The following GRIK1 variants were observed in gnomAD, a reference collection of about 807,000 sequenced individuals.
GRIK1 encodes glutamate ionotropic receptor kainate type subunit 1, also known as glutamate receptor ionotropic, kainate 1.
A neutral mutation model predicts 105.7 loss-of-function variants in GRIK1; 69 were observed. That is an observed-to-expected ratio of 0.65 (90% CI 0.54 to 0.80). The LOEUF is 0.80. GRIK1 is among the 30% of genes least tolerant of loss of function. The pLI is 0.00. For missense variants in GRIK1, 1,109 were observed against 1,167.3 expected, an observed-to-expected ratio of 0.95 and a Z score of 0.73; for synonymous variants, 438 against 431.3, an observed-to-expected ratio of 1.02 and a Z score of -0.19.
chr21:29,577,508 T>C (rs1203610643), intron 13 of GRIK1, among the ~76,000 whole-genome samples: 1 of 152,240 alleles, frequency 6.6e-6, no homozygotes, highest in Non-Finnish European at 1.5e-5. Flanking sequence ...CTTTTATTAC[T>C]GTCTAAATGC....
At chr21:29,699,855 G>A (rs2063779674) in intron 1 of GRIK1, among the ~76,000 whole-genome samples, 1 of 152,002 alleles carries the variant, frequency 6.6e-6, no homozygotes, top group Non-Finnish European at 1.5e-5. Flanking sequence ...CGGCATGTTG[G>A]TCAGGCTGGT....
intron 1 of GRIK1, among the ~76,000 whole-genome samples, chr21:29,770,022 C>A (rs1312742935): frequency 6.6e-6 from 1 of 152,172 alleles, no homozygotes; most frequent in Non-Finnish European, 1.5e-5. Flanking sequence ...CCCTACATAT[C>A]TTTCAACGTC....
At chr21:29,690,021 G>T in intron 2 of GRIK1, 36 bp from the exon 3 acceptor site, 5 of 1,523,148 alleles carry the variant, frequency 3.3e-6, no homozygotes, top group South Asian at 1.1e-5. Context: ...TGGGGAGGGA[G>T]GGCAGGGAAA....
chr21:29,550,656 A>G (rs1174290400), intron 16 of GRIK1, among the ~76,000 whole-genome samples: 1 of 152,190 alleles, frequency 6.6e-6, no homozygotes, highest in African/African-American at 2.4e-5. Flanking sequence ...ATGCTTGTAC[A>G]AGAAAAACTG....
intron 1 of GRIK1, among the ~76,000 whole-genome samples, chr21:29,790,277 C>T (rs2066376939): frequency 6.6e-6 from 1 of 152,042 alleles, no homozygotes. Flanking sequence ...TCAATATCTT[C>T]ACCTCATGAT....
intron 2 of GRIK1, among the ~76,000 whole-genome samples, chr21:29,690,497 T>C (rs1483917196): frequency 2.6e-5 from 4 of 152,254 alleles, no homozygotes; most frequent in Admixed American, 2.6e-4. Context: ...AATGAAATAC[T>C]GCTAAAGAAT....
intron 1 of GRIK1, among the ~76,000 whole-genome samples, chr21:29,780,464 C>T (rs2066064041): frequency 1.3e-5 from 2 of 152,176 alleles, no homozygotes; most frequent in Non-Finnish European, 2.9e-5. Flanking sequence ...GGTGCTATCA[C>T]TTGAATTATT....
At chr21:29,848,779 A>ATATATATTTTT in intron 1 of GRIK1, among the ~76,000 whole-genome samples, 6 of 77,866 alleles carry the variant, frequency 7.7e-5, no homozygotes, top group South Asian at 5.4e-4. Context: ...ATATATATAT[A>ATATATATTTTT]TTTTTTTTTT....
intron 1 of GRIK1, among the ~76,000 whole-genome samples, chr21:29,911,624 G>A (rs1426653306): frequency 6.6e-6 from 1 of 152,014 alleles, no homozygotes; most frequent in Non-Finnish European, 1.5e-5. Flanking sequence ...TGGTAGGCGG[G>A]GCCTTTGGGA....
chr21:29,621,111 G>A lies in GRIK1; in HGVS notation c.1098+21715C>T, dbSNP rs766866740. ...ATTGTGAATTAATTTAGCCAACAATGTGCCTTCCTAAATTTTAAAAAGAAG... is the reference window on the plus strand; with the variant it reads ...ATTGTGAATTAATTTAGCCAACAATATGCCTTCCTAAATTTTAAAAAGAAG... On this transcript the variant is annotated intron_variant, in intron 7 of 17. Coordinates refer to ENST00000327783, the MANE Select transcript of GRIK1 (RefSeq NM_001330994.2). Among the ~76,000 whole-genome samples, 5 of 152,122 alleles carry A rather than the reference G, an allele frequency of 3.3e-5. No individual in the cohort carries two copies. In the East Asian group the frequency reaches 5.8e-4, roughly 18 times the overall value.
intron 15 of GRIK1, among the ~76,000 whole-genome samples, chr21:29,560,388 C>CCTTTCTTT (rs1434125991): frequency 2.3e-5 from 1 of 43,588 alleles, no homozygotes; most frequent in Non-Finnish European, 4.2e-5. Context: ...TTCCTTCCTT[C>CCTTTCTTT]CTTCCTTCCT....
chr21:29,722,181 G>T (rs1182705315), intron 1 of GRIK1, among the ~76,000 whole-genome samples: 2 of 152,072 alleles, frequency 1.3e-5, no homozygotes, highest in Non-Finnish European at 2.9e-5. Flanking sequence ...CACTGATAAT[G>T]GATGCTCTAA....
At chr21:29,627,743 A>C (rs983298845) in intron 7 of GRIK1, among the ~76,000 whole-genome samples, 1 of 152,222 alleles carries the variant, frequency 6.6e-6, no homozygotes, top group African/African-American at 2.4e-5. Context: ...GAGAGGAGTG[A>C]CACCTTTAAA....
chr21:29,739,691 A>G (rs931602101), intron 1 of GRIK1, among the ~76,000 whole-genome samples: 3 of 152,232 alleles, frequency 2.0e-5, no homozygotes, highest in African/African-American at 7.2e-5. Flanking sequence ...TTTTATAGTG[A>G]TTTTAAATAC....
intron 7 of GRIK1, among the ~76,000 whole-genome samples, chr21:29,615,195 C>A (rs1333172269): frequency 6.6e-6 from 1 of 151,694 alleles, no homozygotes. Context: ...CACATCATAG[C>A]AGTCTTGTAT....
intron 7 of GRIK1, among the ~76,000 whole-genome samples, chr21:29,623,154 T>C (rs1008084955): frequency 2.0e-5 from 3 of 152,174 alleles, no homozygotes; most frequent in Non-Finnish European, 4.4e-5. Flanking sequence ...CTCACAATCA[T>C]GGCAGAAAAT....
At chr21:29,867,368 G>A (rs1378237988) in intron 1 of GRIK1, among the ~76,000 whole-genome samples, 1 of 152,140 alleles carries the variant, frequency 6.6e-6, no homozygotes, top group Non-Finnish European at 1.5e-5. Context: ...AGGAGAAGAT[G>A]AAGAGGACCA....
chr21:29,596,327 C>T, intron 9 of GRIK1, 199 bp downstream of exon 9: 3 of 700,472 alleles, frequency 4.3e-6, no homozygotes, highest in Non-Finnish European at 7.9e-6. Flanking sequence ...TAATCCACTG[C>T]AAACCTGTTT....
intron 3 of GRIK1, among the ~76,000 whole-genome samples, chr21:29,685,778 G>C (rs549334976): frequency 6.6e-6 from 1 of 152,120 alleles, no homozygotes; most frequent in Non-Finnish European, 1.5e-5. Flanking sequence ...TCAGAAACAA[G>C]GTCTTTCTGA....
Sources: allele counts gnomAD v4.1 joint callset (sites outside exome capture counted in the v4.1 genomes callset), GRCh38; gene constraint gnomAD v4.1.1; transcripts MANE v1.5; gene names NCBI Gene and HGNC (gene_info 2026-07-23, HGNC 2026-07-21).